FUBP3: variants seen among roughly 807,000 people sequenced by gnomAD.
The protein encoded by FUBP3 is far upstream element-binding protein 3.
FUBP3 carries 28 observed loss-of-function variants against 85.6 expected under a neutral mutation model. The observed-to-expected ratio is 0.33, with a 90% confidence interval of 0.24 to 0.45. The LOEUF (loss-of-function observed/expected upper bound fraction) is 0.45, where lower values mean the gene tolerates loss of function less well. Among genes scored for constraint, FUBP3 ranks in the 20% least tolerant of loss-of-function variants. The pLI, the probability that FUBP3 is intolerant of heterozygous loss-of-function variation, is 1.00. For synonymous variants in FUBP3, 271 were observed against 271.4 expected (o/e 1.00, Z 0.01); for missense variants, 583 against 755.1 (o/e 0.77, Z 2.67).
intron 9 of FUBP3, among the ~76,000 whole-genome samples, chr9:130,621,214 T>G (rs1288006608): frequency 3.3e-5 from 5 of 152,140 alleles, no homozygotes; most frequent in Non-Finnish European, 7.4e-5. Context: ...CTATGCATGG[T>G]GGTTCACGCC....
At chr9:130,626,214 G>T (rs2119109700) in intron 11 of FUBP3, 150 bp from the exon 12 acceptor site, 1 of 764,374 alleles carries the variant, frequency 1.3e-6, no homozygotes, top group African/African-American at 1.7e-5. Context: ...TGGCTTGAAA[G>T]AGCCCTTCAG....
Position 130,593,594 on chromosome 9 carries a change from T to A in FUBP3, c.85-1889T>A, listed in dbSNP as rs532458743. On this transcript the variant is annotated intron_variant, in intron 1 of 18. Coordinates refer to ENST00000319725, the MANE Select transcript of FUBP3 (RefSeq NM_003934.2). ...GATGATGTCTGCTGTTTAAATCCTG[T>A]ATTTGGTTTTCAGTATCATGATTGT... is the stretch of plus-strand genomic sequence containing the variant. Among the ~76,000 whole-genome samples, 4 of 152,358 alleles carry A rather than the reference T, an allele frequency of 2.6e-5. No individual in the cohort carries two copies. In the South Asian group the frequency reaches 8.3e-4, roughly 32 times the overall value.
At chr9:130,627,174 G>T (rs1243261727) in intron 12 of FUBP3, among the ~76,000 whole-genome samples, 1 of 152,154 alleles carries the variant, frequency 6.6e-6, no homozygotes, top group Middle Eastern at 3.2e-3. Context: ...GTTCATCTTG[G>T]CTAGCCCTGG....
intron 1 of FUBP3, among the ~76,000 whole-genome samples, chr9:130,589,673 G>GTATATATA (rs1291689029): frequency 2.6e-3 from 74 of 28,300 alleles, no homozygotes; most frequent in South Asian, 4.6e-3. Context: ...ATGTATGTGT[G>GTATATATA]TGTATATATA....
chr9:130,636,344 TG>T, intron 18 of FUBP3: 3 of 656,416 alleles, frequency 4.6e-6, no homozygotes, highest in Non-Finnish European at 8.2e-6. Context: ...GTGGGAGGAT[TG>T]GGGGCGCAGC....
At chr9:130,605,649 G>A (rs1248227608) in intron 2 of FUBP3, among the ~76,000 whole-genome samples, 3 of 152,220 alleles carry the variant, frequency 2.0e-5, no homozygotes, top group Non-Finnish European at 2.9e-5. Context: ...GGGGGTGGTG[G>A]TCTTTCCACT....
intron 1 of FUBP3, among the ~76,000 whole-genome samples, chr9:130,584,935 G>A (rs928731802): frequency 6.6e-6 from 1 of 152,206 alleles, no homozygotes; most frequent in African/African-American, 2.4e-5. Context: ...GGCCGAGGCA[G>A]GGAGATCACT....
Position 130,579,740 on chromosome 9 carries a change from G to A in FUBP3, c.60G>A (p.Val20=). 7.8e-7 allele frequency: 1 copy of A among 1,280,918 alleles called. No homozygotes were observed. Among genetic ancestry groups the A allele is most frequent in the Non-Finnish European group, 9.9e-7 (1 of 1,010,458 alleles). 79.3% of individuals were successfully genotyped at this position (1,280,918 alleles called of 1,614,324 possible). ...APVGMKAEGF[V]DALHRVRQIA... is the part of the protein sequence containing the mutation. ...TGGGGATGAAGGCCGAGGGCTTCGT[G>A]GATGCCCTGCACCGGGTCCGGCAGG... The change falls in exon 1 of 19, where the codon GTG becomes GTA. Residue 20 remains valine (V), a synonymous_variant. Coordinates refer to ENST00000319725, the MANE Select transcript of FUBP3 (RefSeq NM_003934.2).
intron 2 of FUBP3, among the ~76,000 whole-genome samples, chr9:130,606,247 G>T (rs760550386): frequency 7.2e-5 from 11 of 152,168 alleles, no homozygotes; most frequent in Non-Finnish European, 1.5e-4. Flanking sequence ...CTGAGCTGGG[G>T]TGTGGAAAGC....
rs759678826 is a variant in FUBP3 at position 130,595,607 on chromosome 9, C to G, written c.190+19C>G. On this transcript the variant is annotated intron_variant, in intron 2 of 18. Transcript: ENST00000319725. ...GATGGAGGTAAGTTGCCAGAAATATCTTTGCCTTTCAGGTGGTAGTGAACC... is the reference window on the plus strand; with the variant it reads ...GATGGAGGTAAGTTGCCAGAAATATGTTTGCCTTTCAGGTGGTAGTGAACC... 9.0e-7 allele frequency: 1 copy of G among 1,116,178 alleles called. No homozygotes were observed. Among genetic ancestry groups the G allele is most frequent in the South Asian group, 1.2e-5 (1 of 81,208 alleles). 69.1% of individuals were successfully genotyped at this position (1,116,178 alleles called of 1,614,324 possible). A position where few individuals can be genotyped will look rare whatever the true frequency, so the allele number is the denominator to read the frequency against.
intron 1 of FUBP3, among the ~76,000 whole-genome samples, chr9:130,586,121 C>T (rs906287749): frequency 1.3e-5 from 2 of 152,308 alleles, no homozygotes; most frequent in Middle Eastern, 6.8e-3. Flanking sequence ...ACCTCAGCCT[C>T]CCAAGTAGCT....
intron 2 of FUBP3, among the ~76,000 whole-genome samples, chr9:130,604,160 CT>C (rs1218313821): frequency 6.6e-6 from 1 of 152,182 alleles, no homozygotes; most frequent in Non-Finnish European, 1.5e-5. Flanking sequence ...GCATGATCCC[CT>C]TTATGTAACC....
At position 130,631,615 on chromosome 9, in the gene FUBP3, C is replaced by G; in HGVS notation, c.1337C>G (p.Ala446Gly). The change falls in exon 14 of 19, where the codon GCC becomes GGC. Residue 446 changes from alanine to glycine, a missense_variant. Transcript: ENST00000319725. Reference protein sequence around the residue: ...FGQSPFSQPPAPPHQNTFPPR... With the variant: ...FGQSPFSQPPGPPHQNTFPPR... ...CAGAGTCCATTCAGCCAGCCACCTGCCCCACCTCATCAAAAGTGAGTCTTT... is the reference window on the plus strand; with the variant it reads ...CAGAGTCCATTCAGCCAGCCACCTGGCCCACCTCATCAAAAGTGAGTCTTT... 2 of 1,612,896 alleles carry G rather than the reference C, an allele frequency of 1.2e-6. No individual in the cohort carries two copies. The highest frequency in any genetic ancestry group is 1.7e-6 in the Non-Finnish European group (2 of 1,178,838).
intron 2 of FUBP3, among the ~76,000 whole-genome samples, chr9:130,597,496 C>CT (rs1286792669): frequency 1.3e-5 from 2 of 152,212 alleles, no homozygotes; most frequent in Non-Finnish European, 2.9e-5. Flanking sequence ...TCTGCCTCTG[C>CT]TTTTCTAAAC....
At chr9:130,587,068 G>GT (rs753627705) in intron 1 of FUBP3, among the ~76,000 whole-genome samples, 1 of 51,532 alleles carries the variant, frequency 1.9e-5, no homozygotes, top group East Asian at 1.4e-3. Context: ...TTTTTTTTTT[G>GT]TTTGTTTGTT....
chr9:130,589,705 A>ATATATATATATATATATATT (rs1414691549), intron 1 of FUBP3, among the ~76,000 whole-genome samples: 1 of 73,860 alleles, frequency 1.4e-5, no homozygotes, highest in Non-Finnish European at 2.3e-5. Context: ...ATATATATAT[A>ATATATATATATATATATATT]TTTTTTTTTT....
intron 2 of FUBP3, among the ~76,000 whole-genome samples, chr9:130,598,760 G>A (rs1323868755): frequency 1.3e-5 from 2 of 152,180 alleles, no homozygotes; most frequent in East Asian, 1.9e-4. Context: ...AAATACACAC[G>A]AATTTTTACA....
chr9:130,609,170 G>A lies in FUBP3; in HGVS notation c.191-784G>A, dbSNP rs560889691. Among the ~76,000 whole-genome samples, 13 of 152,292 alleles carry A rather than the reference G, an allele frequency of 8.5e-5. No individual in the cohort carries two copies. In the South Asian group the frequency reaches 2.3e-3, roughly 27 times the overall value. On this transcript the variant is annotated intron_variant, in intron 2 of 18. Transcript: ENST00000319725. ...GAAACACTACAGAATCATTTTTGCT[G>A]ATGGCTGGTGAAGGAGAGACACTCA...
Position 130,623,639 on chromosome 9 carries a change from C to T in FUBP3, c.903C>T (p.Ala301=). Residue 301 remains alanine, a synonymous_variant, in exon 11 of 19, where the codon GCC becomes GCT. Coordinates refer to ENST00000319725, the MANE Select transcript of FUBP3 (RefSeq NM_003934.2). ...ATGGGATTAGTCCAGAAAGAGCTGC[C>T]CAGGTCATGGGCCCTCCGGATCGGT... ...PDDGISPERA[A]QVMGPPDRCQ... 6.2e-7 allele frequency: 1 copy of T among 1,613,802 alleles called. No homozygotes were observed.
Sources: gnomAD v4.1 joint callset for allele counts (sites outside exome capture counted in the v4.1 genomes callset) on GRCh38, gnomAD v4.1.1 for gene constraint, MANE v1.5 for transcripts, NCBI Gene and HGNC (gene_info 2026-07-23, HGNC 2026-07-21) for gene names.